Variants in RAB27B observed in about 807,000 individuals in gnomAD.
RAB27B encodes ras-related protein Rab-27B.
RAB27B carries 15 observed loss-of-function variants against 24.6 expected under a neutral mutation model. The observed-to-expected ratio is 0.61, with a 90% CI of 0.41 to 0.94. The LOEUF (loss-of-function observed/expected upper bound fraction) is 0.94. RAB27B is among the 40% of genes least tolerant of loss of function. The pLI is 0.00. For missense variants in RAB27B, 261 were observed against 266.8 expected (o/e 0.98, Z 0.15); for synonymous variants, 105 against 92.5 (o/e 1.14, Z -0.78).
chr18:54,804,946 C>CTTTCTTTCT (rs1909741232), intron 2 of RAB27B, among the ~76,000 whole-genome samples: 1 of 127,430 alleles, frequency 7.8e-6, no homozygotes, highest in African/African-American at 3.0e-5. Context: ...TTCTTTCTTT[C>CTTTCTTTCT]TTTCTTTCTC....
intron 2 of RAB27B, chr18:54,744,868 A>G: frequency 9.3e-6 from 2 of 214,436 alleles, no homozygotes; most frequent in Non-Finnish European, 9.9e-6. Context: ...CATCTGCAAA[A>G]GGAAAAGTGA....
At chr18:54,722,273 A>G (rs1391869971) in intron 2 of RAB27B, among the ~76,000 whole-genome samples, 1 of 152,188 alleles carries the variant, frequency 6.6e-6, no homozygotes, top group Non-Finnish European at 1.5e-5. Flanking sequence ...AGACAACAGA[A>G]AAAGAAAGAA....
intron 1 of RAB27B, among the ~76,000 whole-genome samples, chr18:54,876,049 C>A (rs1004700698): frequency 2.0e-5 from 3 of 152,006 alleles, no homozygotes; most frequent in Non-Finnish European, 2.9e-5. Context: ...CACAGTTTAG[C>A]GTGGCTGGGG....
chr18:54,733,861 G>A (rs1909808083), intron 2 of RAB27B, among the ~76,000 whole-genome samples: 1 of 152,078 alleles, frequency 6.6e-6, no homozygotes, highest in Admixed American at 6.6e-5. Flanking sequence ...AGGCGGTTAA[G>A]TTCTGGTAAA....
Position 54,893,111 on chromosome 18 carries a change from G to A in RAB27B, c.*3698G>A, listed in dbSNP as rs1158435597. ...TATTGTGCAACTGGTGCAGTGGTGA[G>A]TTAATCATAGTGTATAACCTTGTGT... On this transcript the variant is annotated 3_prime_UTR_variant, in exon 6 of 6. Transcript: ENST00000262094. 1 of 152,044 alleles carries A rather than the reference G, an allele frequency of 6.6e-6. No homozygotes were observed. The highest frequency in any genetic ancestry group is 1.5e-5 in the Non-Finnish European group (1 of 67,934). 9.4% of individuals were successfully genotyped at this position (152,044 alleles called of 1,614,324 possible). A position where few individuals can be genotyped will look rare whatever the true frequency, so the allele number is the denominator to read the frequency against.
At chr18:54,779,435 T>A (rs1378108650) in intron 2 of RAB27B, among the ~76,000 whole-genome samples, 1 of 152,042 alleles carries the variant, frequency 6.6e-6, no homozygotes, top group Non-Finnish European at 1.5e-5. Context: ...GAATCCCACA[T>A]CCAGAGACTC....
chr18:54,797,842 T>A (rs1017957090), intron 2 of RAB27B, among the ~76,000 whole-genome samples: 34 of 152,344 alleles, frequency 2.2e-4, no homozygotes, highest in African/African-American at 7.7e-4. Context: ...TATTTCTGAA[T>A]GGACTTATTT....
chr18:54,879,279 T>C lies in RAB27B; in HGVS notation c.154-90T>C. The C allele has an allele frequency of 7.4e-6, 7 of 947,594 alleles. No homozygotes were observed. In the East Asian group the frequency reaches 9.6e-5, roughly 13 times the overall value. 58.7% of individuals were successfully genotyped at this position (947,594 alleles called of 1,614,324 possible). ...GCACTATGAACTTTGATTATAGTAA[T>C]TGAGAAAAAAACATGCTGAGTGAAC... is the stretch of plus-strand genomic sequence containing the variant. On this transcript the variant is annotated intron_variant, in intron 2 of 5. Transcript: ENST00000262094.
chr18:54,888,350 C>G (rs1470426933), intron 5 of RAB27B, among the ~76,000 whole-genome samples: 1 of 152,122 alleles, frequency 6.6e-6, no homozygotes, highest in Non-Finnish European at 1.5e-5. Context: ...GACATTAACT[C>G]ATTTTAACCC....
At chr18:54,769,803 T>C (rs943223745) in intron 2 of RAB27B, among the ~76,000 whole-genome samples, 3 of 152,198 alleles carry the variant, frequency 2.0e-5, no homozygotes, top group African/African-American at 7.2e-5. Context: ...CAACACTATT[T>C]ACTTAATAAA....
At chr18:54,848,886 A>G (rs138541615) in intron 1 of RAB27B, among the ~76,000 whole-genome samples, 1 of 152,336 alleles carries the variant, frequency 6.6e-6, no homozygotes, top group East Asian at 1.9e-4. Flanking sequence ...TGTTATACAT[A>G]TTCTTTCATT....
chr18:54,813,506 A>G (rs1431866472), intron 2 of RAB27B, among the ~76,000 whole-genome samples: 1 of 152,116 alleles, frequency 6.6e-6, no homozygotes. Flanking sequence ...TCAAGATCTG[A>G]TTGTTTCAAA....
chr18:54,880,731 T>C (rs1225781498), intron 3 of RAB27B: 2 of 152,152 alleles, frequency 1.3e-5, no homozygotes, highest in Non-Finnish European at 2.9e-5. Flanking sequence ...TGAGAAAATG[T>C]GGTTCCCATA....
chr18:54,872,750 C>T (rs914215050), intron 1 of RAB27B, among the ~76,000 whole-genome samples: 3 of 152,148 alleles, frequency 2.0e-5, no homozygotes, highest in South Asian at 2.1e-4. Context: ...TCCTTGCACT[C>T]GGATGGACAC....
intron 1 of RAB27B, among the ~76,000 whole-genome samples, chr18:54,846,796 T>A (rs1048632952): frequency 2.6e-5 from 4 of 152,224 alleles, no homozygotes; most frequent in Non-Finnish European, 5.9e-5. Flanking sequence ...ATGGCAATGT[T>A]TCTCATTGTA....
chr18:54,875,926 T>C (rs1400734317), intron 1 of RAB27B, among the ~76,000 whole-genome samples: 1 of 152,206 alleles, frequency 6.6e-6, no homozygotes, highest in African/African-American at 2.4e-5. Flanking sequence ...ACATAAAAAG[T>C]TATTAGAATT....
chr18:54,778,739 G>T (rs551886506), intron 2 of RAB27B, among the ~76,000 whole-genome samples: 53 of 151,964 alleles, frequency 3.5e-4, no homozygotes, highest in Non-Finnish European at 6.3e-4. Flanking sequence ...AATGATCTGT[G>T]CAGGGTCTTT....
chr18:54,873,296 C>T (rs1912551330), intron 1 of RAB27B, among the ~76,000 whole-genome samples: 1 of 152,138 alleles, frequency 6.6e-6, no homozygotes, highest in Non-Finnish European at 1.5e-5. Context: ...TCTTTTTAGC[C>T]CCTTGCCTTC....
chr18:54,866,304 C>T (rs570603402), intron 1 of RAB27B, among the ~76,000 whole-genome samples: 1 of 152,262 alleles, frequency 6.6e-6, no homozygotes, highest in African/African-American at 2.4e-5. Context: ...CCCCCCGCGC[C>T]CTGCGCTCCA....
Sources: gnomAD v4.1 joint callset for allele counts (sites outside exome capture counted in the v4.1 genomes callset) on GRCh38, gnomAD v4.1.1 for gene constraint, MANE v1.5 for transcripts, NCBI Gene and HGNC (gene_info 2026-07-23, HGNC 2026-07-21) for gene names.